C2CD2: variants seen among roughly 807,000 people sequenced by gnomAD.
C2CD2 encodes the protein C2 domain-containing protein 2.
Under a neutral mutation model 74.3 loss-of-function variants are expected in C2CD2, and 43 were observed. The ratio of observed to expected loss-of-function variants is 0.58; its 90% CI spans 0.45 to 0.75. C2CD2 has a LOEUF of 0.75. Ranked by LOEUF, C2CD2 falls within the 30% of genes least tolerant of loss-of-function variation. C2CD2 has a pLI of 0.00. For synonymous variants in C2CD2, 422 were observed against 390.7 expected, an observed-to-expected ratio of 1.08 and a Z score of -0.94; for missense variants, 801 against 916.3, an observed-to-expected ratio of 0.87 and a Z score of 1.63.
Position 41,899,250 on chromosome 21 carries a change from G to A in C2CD2, c.1673C>T (p.Ala558Val), listed in dbSNP as rs1182745082. The A allele has an allele frequency of 1.2e-6, 2 of 1,612,216 alleles. No homozygotes were observed. Among genetic ancestry groups the A allele is most frequent in the South Asian group, 1.1e-5 (1 of 90,996 alleles). ...PSHPERAAAS[A>V]PPEEAESAQA... The stretch of plus-strand genomic sequence containing the variant: ...GGCTGACTCGGCTTCCTCTGGCGGG[G>A]CAGAGGCTGCCGCCCTCTCCGGATG... Residue 558 changes from alanine (A) to valine (V), a missense_variant, in exon 13 of 14, where the codon GCC (alanine) becomes GTC (valine). By Grantham distance (64) the Ala-to-Val change is moderately conservative. Coordinates refer to ENST00000380486, the MANE Select transcript of C2CD2 (RefSeq NM_015500.2). This position sits in a 1 kb window ranked among gnomAD's most constrained non-coding sequence, Gnocchi z 4.4.
chr21:41,931,842 A>G lies in C2CD2; in HGVS notation c.379-9757T>C, dbSNP rs71318602. ...CCAGCATCCCACTACCCCACCTCCA[A>G]CATCCCACCACTCCACCTCCAACAT... On this transcript the variant is annotated intron_variant, in intron 2 of 13. Transcript: ENST00000380486. Among the ~76,000 whole-genome samples the G allele has an allele frequency of 6.0e-3, 822 of 137,132 alleles. 18 individuals carry two copies. The highest frequency in any genetic ancestry group is 0.016 in the Middle Eastern group (4 of 252). The allele number at this position is 137,132 out of a possible 152,430, so 90.0% of individuals were successfully genotyped here. A position where few individuals can be genotyped will look rare whatever the true frequency, so the allele number is the denominator to read the frequency against.
intron 5 of C2CD2, among the ~76,000 whole-genome samples, 178 bp downstream of exon 5, chr21:41,917,927 C>T (rs1353430017): frequency 2.6e-5 from 4 of 152,166 alleles, no homozygotes; most frequent in African/African-American, 9.7e-5. Context: ...CAGCCCCATG[C>T]TCCAAACCCA....
intron 2 of C2CD2, among the ~76,000 whole-genome samples, chr21:41,940,198 G>A (rs1174833588): frequency 1.3e-5 from 2 of 152,176 alleles, no homozygotes; most frequent in Non-Finnish European, 2.9e-5. Flanking sequence ...TCAAAAAAGA[G>A]AAAATAATTT....
intron 2 of C2CD2, among the ~76,000 whole-genome samples, chr21:41,935,437 A>G (rs2146217873): frequency 6.6e-6 from 1 of 152,334 alleles, no homozygotes; most frequent in African/African-American, 2.4e-5. Context: ...TTATGATAAT[A>G]GCGGAATTCC....
At chr21:41,941,971 T>G in intron 2 of C2CD2, 176 bp downstream of exon 2, 1 of 366,676 alleles carries the variant, frequency 2.7e-6, no homozygotes. Flanking sequence ...TAACGTCCCA[T>G]TATGTGGACG....
intron 3 of C2CD2, among the ~76,000 whole-genome samples, chr21:41,921,367 T>A (rs947330747): frequency 1.3e-5 from 2 of 152,374 alleles, no homozygotes; most frequent in African/African-American, 2.4e-5. Context: ...AGCTCTCTGA[T>A]GATTTGGGCA....
intron 11 of C2CD2, among the ~76,000 whole-genome samples, chr21:41,902,532 G>A (rs1272333004): frequency 6.6e-6 from 1 of 152,210 alleles, no homozygotes; most frequent in African/African-American, 2.4e-5. Context: ...GAGATGACCA[G>A]CAGGTCTCTC....
intron 13 of C2CD2, among the ~76,000 whole-genome samples, chr21:41,893,052 A>G (rs1340540175): frequency 6.6e-6 from 1 of 152,264 alleles, no homozygotes; most frequent in East Asian, 1.9e-4. Flanking sequence ...CAGGCCTGTA[A>G]TCCCAGCACT....
intron 1 of C2CD2, 55 bp from the exon 2 acceptor site, chr21:41,942,300 A>C (rs908855073): frequency 7.6e-7 from 1 of 1,309,838 alleles, no homozygotes. Flanking sequence ...TGCATCTTTT[A>C]AATTACATAT....
At chr21:41,901,271 G>A in intron 12 of C2CD2, 1 of 347,362 alleles carries the variant, frequency 2.9e-6, no homozygotes, top group Non-Finnish European at 5.4e-6. Flanking sequence ...CGTGGAAAGT[G>A]AAAGTTCCCC....
chr21:41,908,879 T>C (rs1235708641), intron 8 of C2CD2: 1 of 153,342 alleles, frequency 6.5e-6, no homozygotes, highest in Non-Finnish European at 1.5e-5. Context: ...TTAGTGACTT[T>C]ACCTCTAATT....
rs1723557833 is a variant in C2CD2, at chr21:41,945,457, G to C, written c.280-3212C>G. On this transcript the variant is annotated intron_variant, in intron 1 of 13. Transcript: ENST00000380486. This position sits in a 1 kb window ranked among gnomAD's most constrained non-coding sequence, Gnocchi z 4.2. Reference sequence around the variant, plus strand: ...GAAGTGGCTGAATCCAGGGCCTGTGGGGAGCCAAAAACAAATATTTTGTGG... The same window carrying C: ...GAAGTGGCTGAATCCAGGGCCTGTGCGGAGCCAAAAACAAATATTTTGTGG... Among the ~76,000 whole-genome samples, 1 of 151,900 alleles carries C rather than the reference G, an allele frequency of 6.6e-6. No individual in the cohort carries two copies. Among genetic ancestry groups the C allele is most frequent in the African/African-American group, 2.4e-5 (1 of 41,326 alleles).
intron 5 of C2CD2, 23 bp from the exon 6 acceptor site, chr21:41,914,744 AT>A (rs1303872151): frequency 6.2e-7 from 1 of 1,607,916 alleles, no homozygotes. Flanking sequence ...AGAGCACTTT[AT>A]TTTTGGTCTT....
rs1301467414 is a variant in C2CD2, at chr21:41,927,787, G to A, written c.379-5702C>T. Among the ~76,000 whole-genome samples, 5 of 152,130 alleles carry A rather than the reference G, an allele frequency of 3.3e-5. No individual in the cohort carries two copies. The South Asian group carries it at 1.0e-3, about 32-fold the overall frequency. ...CCCGGCCAAAGATGTATTTTTATAA[G>A]AAATTCTCGCAGGGGATTGAGATGA... On this transcript the variant is annotated intron_variant, in intron 2 of 13. Transcript: ENST00000380486.
Position 41,927,453 on chromosome 21 carries a change from G to A in C2CD2, c.379-5368C>T, listed in dbSNP as rs181973840. Among the ~76,000 whole-genome samples the A allele has an allele frequency of 4.9e-4, 75 of 151,672 alleles. 1 individual carries two copies. The South Asian group carries it at 8.1e-3, about 16-fold the overall frequency. Reference sequence around the variant, plus strand: ...GATTACAGGCGGGAACCACCGCACCGGGCTTAAAACTGTATTTATTTATTT... The same window carrying A: ...GATTACAGGCGGGAACCACCGCACCAGGCTTAAAACTGTATTTATTTATTT... On this transcript the variant is annotated intron_variant, in intron 2 of 13. Transcript: ENST00000380486.
rs547586826 is a variant in C2CD2 at position 41,911,378 on chromosome 21, T to G, written c.953+954A>C. ...TTTATGCATGGCCTACATTTTTCCC[T>G]ATCTCGATTCTTTTTTTTTTTTTTT... On this transcript the variant is annotated intron_variant, in intron 7 of 13. Coordinates refer to ENST00000380486, the MANE Select transcript of C2CD2 (RefSeq NM_015500.2). Among the ~76,000 whole-genome samples, 139 of 150,674 alleles carry G rather than the reference T, an allele frequency of 9.2e-4. 1 individual carries two copies. In the South Asian group the frequency reaches 0.029, roughly 31 times the overall value.
intron 2 of C2CD2, 182 bp downstream of exon 2, chr21:41,941,965 G>T: frequency 3.0e-6 from 1 of 335,164 alleles, no homozygotes; most frequent in Non-Finnish European, 4.3e-6. Flanking sequence ...GCGGAATAAC[G>T]TCCCATTATG....
chr21:41,950,035 G>C (rs964918687), intron 1 of C2CD2, among the ~76,000 whole-genome samples: 8 of 152,010 alleles, frequency 5.3e-5, no homozygotes, highest in African/African-American at 1.9e-4. Context: ...AATACCTAAT[G>C]TAAATGACAA....
chr21:41,928,298 G>A (rs1039351015), intron 2 of C2CD2, among the ~76,000 whole-genome samples: 1 of 152,102 alleles, frequency 6.6e-6, no homozygotes, highest in Non-Finnish European at 1.5e-5. Context: ...AAGTCGGGCT[G>A]CACCTGCAGG....
Sources: allele counts gnomAD v4.1 joint callset (sites outside exome capture counted in the v4.1 genomes callset), GRCh38; gene constraint gnomAD v4.1.1; non-coding constraint Gnocchi (gnomAD v3.1); transcripts MANE v1.5; gene names NCBI Gene and HGNC (gene_info 2026-07-23, HGNC 2026-07-21).